NDUFA10: variants seen among roughly 807,000 people sequenced by gnomAD.
NDUFA10 encodes the protein NADH dehydrogenase [ubiquinone] 1 alpha subcomplex subunit 10, mitochondrial.
NDUFA10 carries 40 observed loss-of-function variants against 47.8 expected under a neutral mutation model. The observed-to-expected ratio is 0.84, with a 90% CI of 0.65 to 1.09. The LOEUF is 1.09. NDUFA10 is among the 50% of genes least tolerant of loss of function. NDUFA10 has a pLI of 0.00. For missense variants in NDUFA10, 413 were observed against 451.1 expected (o/e 0.92, Z 0.76); for synonymous variants, 183 against 172.2 (o/e 1.06, Z -0.49).
At chr2:239,956,978 G>A (rs565610757), downstream of NDUFA10, among the ~76,000 whole-genome samples, 4 of 152,232 alleles carry the variant, frequency 2.6e-5, no homozygotes, top group Admixed American at 6.5e-5. Context: ...CAGCCTGGCC[G>A]CCTCACTCCT....
intron 4 of NDUFA10, among the ~76,000 whole-genome samples, chr2:239,946,906 C>A (rs770708662): frequency 3.3e-5 from 5 of 152,226 alleles, no homozygotes; most frequent in Non-Finnish European, 7.3e-5. Flanking sequence ...GAACCTCAGG[C>A]CGCCTTTGGT....
At chr2:239,941,684 CA>C (rs1443940495) in intron 4 of NDUFA10, among the ~76,000 whole-genome samples, 6 of 150,586 alleles carry the variant, frequency 4.0e-5, no homozygotes, top group Non-Finnish European at 8.8e-5. Context: ...AAGATCGCAC[CA>C]CTGCACTCCA....
chr2:239,967,812 T>C (rs1435547446), intron 9 of NDUFA10, among the ~76,000 whole-genome samples: 1 of 152,220 alleles, frequency 6.6e-6, no homozygotes, highest in Non-Finnish European at 1.5e-5. Context: ...GTTAGAAAAG[T>C]GTCCACTTCT....
intron 9 of NDUFA10, among the ~76,000 whole-genome samples, chr2:239,961,652 C>A (rs1179731503): frequency 6.6e-6 from 1 of 152,214 alleles, no homozygotes; most frequent in Non-Finnish European, 1.5e-5. Context: ...AGAGGCCGGG[C>A]CGCTGGCTGT....
rs367691381 is a variant in NDUFA10, at chr2:239,937,293, C to T, written c.295-41979G>A. 9.1e-4 allele frequency among the ~76,000 whole-genome samples: 139 copies of T among 152,336 alleles called. 1 individual carries two copies. Among genetic ancestry groups the T allele is most frequent in the African/African-American group, 3.1e-3 (128 of 41,590 alleles). On this transcript the variant is annotated intron_variant, in intron 4 of 5. Coordinates refer to the NDUFA10 transcript ENST00000419408. ...TGTTTTCAGGAAATTTACAGAATTG[C>T]GTAACTACTGCGGTATGATTTTAGA... is the stretch of plus-strand genomic sequence containing the variant.
In NDUFA10 at chr2:239,960,094, A is replaced by G; in HGVS notation, c.*1024T>C. On this transcript the variant is annotated 3_prime_UTR_variant, in exon 10 of 10. Coordinates refer to ENST00000252711, the MANE Select transcript of NDUFA10 (RefSeq NM_004544.4). ...TAAATTTCAATACCCACATGTGGCT[A>G]GGAGCTACCATATTGGACACAGTGG... 1.0e-6 allele frequency: 1 copy of G among 984,960 alleles called. No individual in the cohort carries two copies. The highest frequency in any genetic ancestry group is 1.2e-6 in the Non-Finnish European group (1 of 829,480). The allele number at this position is 984,960 out of a possible 1,614,324, so 61.0% of individuals were successfully genotyped here. A position where few individuals can be genotyped will look rare whatever the true frequency, so the allele number is the denominator to read the frequency against.
chr2:239,916,778 C>T (rs2106365612), intron 4 of NDUFA10, among the ~76,000 whole-genome samples: 1 of 152,340 alleles, frequency 6.6e-6, no homozygotes. Flanking sequence ...GTGTGAGCCT[C>T]CTTCACGAGA....
intron 5 of NDUFA10, chr2:240,014,313 G>T: frequency 3.5e-6 from 1 of 285,926 alleles, no homozygotes; most frequent in Non-Finnish European, 6.9e-6. Context: ...AAGGGGGAGA[G>T]GCACGATTTG....
chr2:239,937,482 G>A (rs1353686823), intron 4 of NDUFA10, among the ~76,000 whole-genome samples: 2 of 152,088 alleles, frequency 1.3e-5, no homozygotes, highest in African/African-American at 2.4e-5. Flanking sequence ...GCTTTTTGTG[G>A]CTGTTGTCAA....
rs1694749614 is a variant in NDUFA10, at chr2:239,959,262, G to T, written c.*1856C>A. ...GCCGACACGGAGCCCTGCATGGTTG[G>T]AGAGCTCTGCCCCTCACAAGGGCAA... is the stretch of plus-strand genomic sequence containing the variant. On this transcript the variant is annotated 3_prime_UTR_variant, in exon 10 of 10. Transcript: ENST00000252711. The T allele has an allele frequency of 1.0e-6, 1 of 985,328 alleles. No homozygotes were observed. Among genetic ancestry groups the T allele is most frequent in the African/African-American group, 1.7e-5 (1 of 57,242 alleles). 61.0% of individuals were successfully genotyped at this position (985,328 alleles called of 1,614,324 possible). A position where few individuals can be genotyped will look rare whatever the true frequency, so the allele number is the denominator to read the frequency against.
intron 4 of NDUFA10, among the ~76,000 whole-genome samples, chr2:239,920,899 C>A (rs898278577): frequency 5.3e-5 from 8 of 152,118 alleles, no homozygotes; most frequent in Non-Finnish European, 7.4e-5. Context: ...AATCTTTGGG[C>A]AACCCCTCTG....
intron 9 of NDUFA10, among the ~76,000 whole-genome samples, chr2:239,969,083 T>G (rs1426201966): frequency 6.6e-6 from 1 of 152,110 alleles, no homozygotes; most frequent in African/African-American, 2.4e-5. Flanking sequence ...AACGTAAAAT[T>G]TGCAACGTAT....
At position 239,928,893 on chromosome 2, in the gene NDUFA10, T is replaced by A. The variant is rs936179108; in HGVS notation, c.295-33579A>T. Among the ~76,000 whole-genome samples, 1 of 152,058 alleles carries A rather than the reference T, an allele frequency of 6.6e-6. No individual in the cohort carries two copies. Among genetic ancestry groups the A allele is most frequent in the Non-Finnish European group, 1.5e-5 (1 of 68,006 alleles). On this transcript the variant is annotated intron_variant, in intron 4 of 5. Coordinates refer to the NDUFA10 transcript ENST00000419408. This position sits in a 1 kb window ranked among gnomAD's most constrained non-coding sequence, Gnocchi z 4.3. ...CTCCGCGAATCCTCCCAGCCTTGACTCCGAAACGCTTTGTCTCCCATCGCC... is the reference window on the plus strand; with the variant it reads ...CTCCGCGAATCCTCCCAGCCTTGACACCGAAACGCTTTGTCTCCCATCGCC...
intron 7 of NDUFA10, among the ~76,000 whole-genome samples, chr2:240,006,314 G>A (rs1696946945): frequency 6.6e-6 from 1 of 152,154 alleles, no homozygotes; most frequent in African/African-American, 2.4e-5. Flanking sequence ...AATAAACCAA[G>A]GTCTCAAAAG....
chr2:239,914,212 A>G (rs1693800946), intron 4 of NDUFA10, among the ~76,000 whole-genome samples: 1 of 151,728 alleles, frequency 6.6e-6, no homozygotes, highest in African/African-American at 2.4e-5. Context: ...ATATAGACAC[A>G]CACAGAGACA....
chr2:239,899,924 C>T (rs1693513492), intron 4 of NDUFA10, among the ~76,000 whole-genome samples: 1 of 147,758 alleles, frequency 6.8e-6, no homozygotes, highest in Non-Finnish European at 1.5e-5. Context: ...GAAGCCCACC[C>T]ATCTTAAAAA....
chr2:240,000,705 C>T (rs898162263), intron 8 of NDUFA10, among the ~76,000 whole-genome samples: 1 of 152,144 alleles, frequency 6.6e-6, no homozygotes, highest in African/African-American at 2.4e-5. Context: ...ATGCCCCAGA[C>T]GGGTGGACCA....
intron 4 of NDUFA10, among the ~76,000 whole-genome samples, chr2:239,938,401 G>C (rs73005520): frequency 0.21 from 32,574 of 152,206 alleles, 3,582 homozygotes; most frequent in South Asian, 0.25. Context: ...GGCAGCCACC[G>C]ACACACACGG....
At chr2:239,955,548 G>A (rs538346608), downstream of NDUFA10, among the ~76,000 whole-genome samples, 29 of 152,304 alleles carry the variant, frequency 1.9e-4, no homozygotes, top group African/African-American at 6.7e-4. Flanking sequence ...GGCTCTTGGA[G>A]AGCCCAGGAC....
Sources: allele counts gnomAD v4.1 joint callset (sites outside exome capture counted in the v4.1 genomes callset), GRCh38; gene constraint gnomAD v4.1.1; non-coding constraint Gnocchi (gnomAD v3.1); transcripts MANE v1.5; gene names NCBI Gene and HGNC (gene_info 2026-07-23, HGNC 2026-07-21).